Variants in KATNIP observed in about 807,000 individuals in gnomAD.
KATNIP encodes katanin-interacting protein.
A neutral mutation model predicts 174.0 loss-of-function variants in KATNIP; 126 were observed. That is an observed-to-expected ratio of 0.72 (90% CI 0.63 to 0.84). The LOEUF (loss-of-function observed/expected upper bound fraction) is 0.84. Among genes scored for constraint, KATNIP ranks in the 40% least tolerant of loss-of-function variants. The pLI, the probability that KATNIP is intolerant of heterozygous loss-of-function variation, is 0.00. For synonymous variants in KATNIP, 810 were observed against 835.7 expected, an observed-to-expected ratio of 0.97 and a Z score of 0.53; for missense variants, 1,958 against 2,109.7, an observed-to-expected ratio of 0.93 and a Z score of 1.41.
chr16:27,695,385 C>A (rs2078879271), intron 8 of KATNIP, among the ~76,000 whole-genome samples: 1 of 152,222 alleles, frequency 6.6e-6, no homozygotes, highest in Non-Finnish European at 1.5e-5. Context: ...CCTGCTGGCT[C>A]CGCTCCAGCC....
intron 10 of KATNIP, among the ~76,000 whole-genome samples, chr16:27,700,234 A>G (rs2079051446): frequency 6.6e-6 from 1 of 152,234 alleles, no homozygotes; most frequent in East Asian, 1.9e-4. Flanking sequence ...TATTGACAAG[A>G]CAATGCAAAA....
chr16:27,683,742 G>A (rs545951866), intron 8 of KATNIP, among the ~76,000 whole-genome samples: 5 of 152,210 alleles, frequency 3.3e-5, no homozygotes, highest in Middle Eastern at 3.4e-3. Context: ...GTCTGCTTTC[G>A]GAGCTCCCTC....
At chr16:27,758,073 A>C (rs1302467228) in intron 18 of KATNIP, among the ~76,000 whole-genome samples, 4 of 152,212 alleles carry the variant, frequency 2.6e-5, no homozygotes, top group Admixed American at 1.3e-4. Context: ...AAAGGAGAGT[A>C]ATCAATTTCA....
intron 8 of KATNIP, among the ~76,000 whole-genome samples, 182 bp downstream of exon 8, chr16:27,681,712 G>A (rs1267465543): frequency 6.6e-6 from 1 of 152,226 alleles, no homozygotes; most frequent in African/African-American, 2.4e-5. Context: ...GGGAGAGTGA[G>A]AGAGAGAGCT....
chr16:27,753,464 C>T (rs1221730669), intron 17 of KATNIP, among the ~76,000 whole-genome samples: 1 of 152,140 alleles, frequency 6.6e-6, no homozygotes, highest in Non-Finnish European at 1.5e-5. Context: ...CTCTCTCAGT[C>T]TCGTGAGAGA....
intron 5 of KATNIP, among the ~76,000 whole-genome samples, chr16:27,642,206 G>A (rs773252176): frequency 6.6e-6 from 1 of 152,206 alleles, no homozygotes; most frequent in Non-Finnish European, 1.5e-5. Flanking sequence ...CATAAAAAAT[G>A]ATGAGTTCAT....
chr16:27,557,771 A>G (rs147569338), intron 1 of KATNIP, among the ~76,000 whole-genome samples: 15 of 152,262 alleles, frequency 9.9e-5, no homozygotes, highest in Admixed American at 9.8e-4. Flanking sequence ...GTGGGCTGAA[A>G]CAGCCCACAT....
chr16:27,580,582 T>C (rs2090660825), intron 2 of KATNIP, among the ~76,000 whole-genome samples: 1 of 152,240 alleles, frequency 6.6e-6, no homozygotes, highest in Admixed American at 6.5e-5. Flanking sequence ...CTATAATCAA[T>C]TTCTTATGTG....
intron 13 of KATNIP, among the ~76,000 whole-genome samples, chr16:27,713,577 T>TA (rs1366418159): frequency 6.7e-6 from 1 of 150,012 alleles, no homozygotes; most frequent in South Asian, 2.1e-4. Flanking sequence ...CCTGTCTCCA[T>TA]AAAAAAAATT....
chr16:27,740,513 T>A lies in KATNIP; in HGVS notation c.2216T>A (p.Leu739His). 1.2e-6 allele frequency: 2 copies of A among 1,613,930 alleles called. No individual in the cohort carries two copies. The highest frequency in any genetic ancestry group is 1.7e-6 in the Non-Finnish European group (2 of 1,179,986). ...EPSLIQQLENLMGRKICEPPG... is the reference protein window; with the variant it reads ...EPSLIQQLENHMGRKICEPPG... ...TCTCTCATCCAACAACTGGAAAACCTCATGGGCAGAAAAATCTGTGAGCCA... is the reference window on the plus strand; with the variant it reads ...TCTCTCATCCAACAACTGGAAAACCACATGGGCAGAAAAATCTGTGAGCCA... Residue 739 changes from leucine (L) to histidine (H), a missense_variant, in exon 15 of 28, where the codon CTC (leucine) becomes CAC (histidine). By Grantham distance (99) the Leu-to-His change is moderately conservative. Coordinates refer to ENST00000261588, the MANE Select transcript of KATNIP (RefSeq NM_015202.5).
intron 2 of KATNIP, among the ~76,000 whole-genome samples, chr16:27,576,060 A>G (rs559522899): frequency 1.3e-5 from 2 of 152,348 alleles, no homozygotes; most frequent in East Asian, 3.9e-4. Flanking sequence ...AAGCCAGGAA[A>G]GAAACCTGAA....
chr16:27,653,498 G>A (rs2077178060), intron 6 of KATNIP, among the ~76,000 whole-genome samples: 1 of 152,062 alleles, frequency 6.6e-6, no homozygotes, highest in Non-Finnish European at 1.5e-5. Flanking sequence ...ACTTAGGGCA[G>A]TTTCAATGCG....
intron 11 of KATNIP, among the ~76,000 whole-genome samples, chr16:27,702,881 A>AG (rs1242006666): frequency 6.6e-6 from 1 of 152,114 alleles, no homozygotes; most frequent in African/African-American, 2.4e-5. Context: ...GCATGTGAAA[A>AG]GGCCGCCCGG....
intron 13 of KATNIP, among the ~76,000 whole-genome samples, chr16:27,716,565 C>T (rs1337219143): frequency 6.6e-6 from 1 of 152,054 alleles, no homozygotes; most frequent in Non-Finnish European, 1.5e-5. Flanking sequence ...TAATCAAAAC[C>T]AGGACCTTGA....
chr16:27,732,513 C>T (rs766944541), intron 14 of KATNIP, among the ~76,000 whole-genome samples: 1 of 152,208 alleles, frequency 6.6e-6, no homozygotes, highest in Non-Finnish European at 1.5e-5. Flanking sequence ...AAGCATGTGT[C>T]TGTGGACACT....
intron 10 of KATNIP, 127 bp downstream of exon 10, chr16:27,699,726 C>A (rs2079033909): frequency 8.0e-7 from 1 of 1,243,876 alleles, no homozygotes; most frequent in African/African-American, 1.5e-5. Context: ...AGGGCGCTTT[C>A]CTTCACACTG....
chr16:27,678,417 T>G (rs971622866), intron 7 of KATNIP, among the ~76,000 whole-genome samples: 8 of 151,958 alleles, frequency 5.3e-5, no homozygotes, highest in African/African-American at 1.9e-4. Flanking sequence ...ATCTCCCCTC[T>G]TCCCTCTCCT....
chr16:27,563,665 C>G (rs2089973598), intron 1 of KATNIP, among the ~76,000 whole-genome samples: 1 of 151,996 alleles, frequency 6.6e-6, no homozygotes, highest in African/African-American at 2.4e-5. Context: ...ATTAGAAGTT[C>G]AGGCAGGCAA....
intron 1 of KATNIP, among the ~76,000 whole-genome samples, chr16:27,572,951 C>T (rs2090362344): frequency 6.6e-6 from 1 of 152,234 alleles, no homozygotes; most frequent in South Asian, 2.1e-4. Flanking sequence ...ATCCCTTGAG[C>T]TTTATCACCA....
Sources: gnomAD v4.1 joint callset for allele counts (sites outside exome capture counted in the v4.1 genomes callset) on GRCh38, gnomAD v4.1.1 for gene constraint, MANE v1.5 for transcripts, NCBI Gene and HGNC (gene_info 2026-07-23, HGNC 2026-07-21) for gene names.